Variants in PROZ observed in about 807,000 individuals in gnomAD.
PROZ encodes the protein vitamin K-dependent protein Z.
Under a neutral mutation model 34.9 loss-of-function variants are expected in PROZ, and 46 were observed. That is an observed-to-expected ratio of 1.32 (90% CI 1.04 to 1.69). PROZ has a LOEUF of 1.69. Among genes scored for constraint, PROZ ranks in the 40% most tolerant of loss-of-function variants. The pLI, the probability that PROZ is intolerant of heterozygous loss-of-function variation, is 0.00. For synonymous variants in PROZ, 195 were observed against 208.5 expected (o/e 0.94, Z 0.56); for missense variants, 530 against 520.4 (o/e 1.02, Z -0.18).
intron 6 of PROZ, among the ~76,000 whole-genome samples, chr13:113,169,416 A>G (rs1307116147): frequency 1.3e-5 from 2 of 152,122 alleles, no homozygotes; most frequent in Non-Finnish European, 2.9e-5. Flanking sequence ...GTGCTGACTC[A>G]GTTTTGGGAT....
Position 113,170,486 on chromosome 13 carries a change from C to T in PROZ, c.647C>T (p.Thr216Ile), listed in dbSNP as rs200554916. The T allele has an allele frequency of 1.9e-4, 301 of 1,608,294 alleles. 4 individuals carry two copies. In the South Asian group the frequency reaches 3.2e-3, roughly 17 times the overall value. ...VIIRENFVLT[T>I]AKCSLLHRNI... is the part of the protein sequence containing the mutation. ...ATACGGGAAAATTTTGTACTGACAA[C>T]AGCAAAATGTTCACTGTTACACAGG... Residue 216 changes from threonine (T) to isoleucine (I), a missense_variant, in exon 7 of 8, where the codon ACA becomes ATA. Thr to Ile is a moderately conservative substitution (Grantham distance 89, BLOSUM62 -1). Transcript: ENST00000375547.
intron 6 of PROZ, among the ~76,000 whole-genome samples, chr13:113,169,499 T>A: frequency 6.6e-6 from 1 of 152,222 alleles, no homozygotes; most frequent in East Asian, 1.9e-4. Context: ...GTGAATTTTA[T>A]CCTGTTAGGT....
chr13:113,163,180 T>A, intron 4 of PROZ, 58 bp downstream of exon 4: 1 of 1,397,746 alleles, frequency 7.2e-7, no homozygotes. Flanking sequence ...GGGCCTCACA[T>A]CCTCGGCCAG....
rs1369103169 is a variant in PROZ, at chr13:113,160,975, A to G, written c.259+3A>G. On this transcript the variant is annotated splice_donor_region_variant and intron_variant, in intron 3 of 7. Transcript: ENST00000375547. Reference sequence around the variant, plus strand: ...TGAATTCTGGAGACGATATAAGGGTAAGTGGTTTCCTTCGTCTCCTCAGAA... The same window carrying G: ...TGAATTCTGGAGACGATATAAGGGTGAGTGGTTTCCTTCGTCTCCTCAGAA... 2 of 1,607,126 alleles carry G rather than the reference A, an allele frequency of 1.2e-6. No homozygotes were observed. Among genetic ancestry groups the G allele is most frequent in the African/African-American group, 1.3e-5 (1 of 74,894 alleles).
chr13:113,170,904 C>A (rs993392497), intron 7 of PROZ, among the ~76,000 whole-genome samples: 1 of 151,050 alleles, frequency 6.6e-6, no homozygotes, highest in Non-Finnish European at 1.5e-5. Context: ...GCCTTCTCAT[C>A]GGCTTATCTG....
rs956716873 is a variant in PROZ at position 113,171,069 on chromosome 13, T to C, written c.692-525T>C. 2.0e-5 allele frequency among the ~76,000 whole-genome samples: 3 copies of C among 152,022 alleles called. No homozygotes were observed. The highest frequency in any genetic ancestry group is 7.2e-5 in the African/African-American group (3 of 41,398). ...TCCCGAGTAGCTGGGACTACAGGCA[T>C]GCACCACCATATCCCACTAATTTTT... On this transcript the variant is annotated intron_variant, in intron 7 of 7. Transcript: ENST00000375547. This position sits in a 1 kb window ranked among gnomAD's most constrained non-coding sequence, Gnocchi z 5.1.
rs372138561 is a variant in PROZ, at chr13:113,171,941, G to A, written c.1039G>A (p.Ala347Thr). Reference protein sequence around the residue: ...TRTYCERSSVAAMHWMDGSVV... With the variant: ...TRTYCERSSVTAMHWMDGSVV... ...GACCTACTGTGAGAGAAGCAGCGTG[G>A]CGGCCATGCACTGGATGGATGGAAG... Residue 347 changes from alanine (A) to threonine (T), a missense_variant, in exon 8 of 8, where the codon GCG becomes ACG. Physicochemically the swap from Ala to Thr is moderately conservative, Grantham distance 58 (BLOSUM62 0). Coordinates refer to ENST00000375547, the MANE Select transcript of PROZ (RefSeq NM_003891.3). The surrounding 1 kb of genome is among the most constrained non-coding windows in gnomAD (Gnocchi z 5.1). The A allele has an allele frequency of 6.2e-7, 1 of 1,613,622 alleles. No homozygotes were observed. Among genetic ancestry groups the A allele is most frequent in the Non-Finnish European group, 8.5e-7 (1 of 1,180,034 alleles).
intron 3 of PROZ, among the ~76,000 whole-genome samples, chr13:113,161,871 G>A (rs1436381417): frequency 2.1e-5 from 2 of 94,172 alleles, no homozygotes; most frequent in Admixed American, 1.0e-4. Context: ...TCAGGTCCCC[G>A]TCCCTGCCAC....
intron 4 of PROZ, 34 bp downstream of exon 4, chr13:113,163,156 C>G (rs2036795958): frequency 6.7e-7 from 1 of 1,487,846 alleles, no homozygotes; most frequent in South Asian, 1.2e-5. Context: ...CCCCAAGGGC[C>G]TCCCTGGGCA....
intron 6 of PROZ, among the ~76,000 whole-genome samples, chr13:113,167,807 G>A (rs374249666): frequency 2.3e-4 from 30 of 129,176 alleles, no homozygotes; most frequent in African/African-American, 7.4e-4. Flanking sequence ...ATATGTTTAC[G>A]GTTAAAGCTA....
chr13:113,159,208 T>C lies in PROZ; in HGVS notation c.70+478T>C. 6.5e-7 allele frequency: 1 copy of C among 1,545,268 alleles called. No homozygotes were observed. Among genetic ancestry groups the C allele is most frequent in the African/African-American group, 1.4e-5 (1 of 73,018 alleles). On this transcript the variant is annotated intron_variant, in intron 1 of 7. Coordinates refer to ENST00000375547, the MANE Select transcript of PROZ (RefSeq NM_003891.3). This position sits in a 1 kb window ranked among gnomAD's most constrained non-coding sequence, Gnocchi z 4.6. ...ACCCTTCTACCACCAGCCACTTCACTGAAGGAACGACATGGACTCCATTCT... is the reference window on the plus strand; with the variant it reads ...ACCCTTCTACCACCAGCCACTTCACCGAAGGAACGACATGGACTCCATTCT...
Position 113,158,893 on chromosome 13 carries a change from G to C in PROZ, c.70+163G>C, listed in dbSNP as rs1733836884. On this transcript the variant is annotated intron_variant, in intron 1 of 7. Coordinates refer to ENST00000375547, the MANE Select transcript of PROZ (RefSeq NM_003891.3). This position sits in a 1 kb window ranked among gnomAD's most constrained non-coding sequence, Gnocchi z 4.3. ...AAGCTGTTTGGATCTTTATCATTTG[G>C]TGACAAGTATTTGGGACATGATAGT... Among the ~76,000 whole-genome samples, 1 of 152,018 alleles carries C rather than the reference G, an allele frequency of 6.6e-6. No homozygotes were observed. Among genetic ancestry groups the C allele is most frequent in the Admixed American group, 6.6e-5 (1 of 15,260 alleles).
chr13:113,163,122 G>A lies in PROZ; in HGVS notation c.373G>A (p.Ala125Thr). 1 of 1,550,208 alleles carries A rather than the reference G, an allele frequency of 6.5e-7. No homozygotes were observed. Among genetic ancestry groups the A allele is most frequent in the South Asian group, 1.2e-5 (1 of 84,084 alleles). Residue 125 changes from alanine (A) to threonine (T), a missense_variant and splice_region_variant, in exon 4 of 8, where the codon GCT becomes ACT. Ala to Thr is a moderately conservative substitution (Grantham distance 58, BLOSUM62 0). Transcript: ENST00000375547. ...PGYEGSNCEL[A>T]KNECHPERTD... ...CTATGAGGGCAGCAACTGCGAGCTGGGTGAGGCCCCGGCCGTCCCCTTCCC... is the reference window on the plus strand; with the variant it reads ...CTATGAGGGCAGCAACTGCGAGCTGAGTGAGGCCCCGGCCGTCCCCTTCCC...
Position 113,172,006 on chromosome 13 carries a change from G to T in PROZ, c.1104G>T (p.Thr368=). The change falls in exon 8 of 8, where the codon ACG becomes ACT. Residue 368 remains threonine, a synonymous_variant. Coordinates refer to ENST00000375547, the MANE Select transcript of PROZ (RefSeq NM_003891.3). ...TREHRGSWFL[T]GVLGSQPVGG... is the part of the protein sequence containing the mutation. ...AACACAGAGGCTCCTGGTTTCTCAC[G>T]GGGGTCCTGGGCTCGCAGCCAGTAG... is the stretch of plus-strand genomic sequence containing the variant. 2 of 1,613,198 alleles carry T rather than the reference G, an allele frequency of 1.2e-6. No homozygotes were observed. Among genetic ancestry groups the T allele is most frequent in the Non-Finnish European group, 1.7e-6 (2 of 1,180,026 alleles).
rs2036720405 is a variant in PROZ at position 113,159,338 on chromosome 13, G to C, written c.70+608G>C. On this transcript the variant is annotated intron_variant, in intron 1 of 7. Coordinates refer to ENST00000375547, the MANE Select transcript of PROZ (RefSeq NM_003891.3). This position sits in a 1 kb window ranked among gnomAD's most constrained non-coding sequence, Gnocchi z 4.6. Reference sequence around the variant, plus strand: ...GCCCCATGGTCTCCCACCCTGAGAGGGTGATCCCCCCGCCCTGCCCTGCCC... The same window carrying C: ...GCCCCATGGTCTCCCACCCTGAGAGCGTGATCCCCCCGCCCTGCCCTGCCC... 1 of 1,430,488 alleles carries C rather than the reference G, an allele frequency of 7.0e-7. No homozygotes were observed. Among genetic ancestry groups the C allele is most frequent in the Non-Finnish European group, 9.6e-7 (1 of 1,038,844 alleles). 88.6% of individuals were successfully genotyped at this position (1,430,488 alleles called of 1,614,324 possible). A position where few individuals can be genotyped will look rare whatever the true frequency, so the allele number is the denominator to read the frequency against.
intron 6 of PROZ, among the ~76,000 whole-genome samples, chr13:113,168,355 G>A (rs2037008601): frequency 6.6e-6 from 1 of 152,196 alleles, no homozygotes; most frequent in Admixed American, 6.5e-5. Context: ...GGCGTCTGGG[G>A]AAGAAGCCTT....
At chr13:113,168,909 T>G (rs1234024513) in intron 6 of PROZ, among the ~76,000 whole-genome samples, 3 of 152,122 alleles carry the variant, frequency 2.0e-5, no homozygotes, top group Non-Finnish European at 2.9e-5. Flanking sequence ...TTAAATTTCA[T>G]GTAGAGATGG....
chr13:113,164,477 C>T lies in PROZ; in HGVS notation c.374-36C>T, dbSNP rs1442642596. ...AAGGCTGTGATAAAATGACTATTTC[C>T]AAGCTAGCATTTCCTTTTTTTTTTT... is the stretch of plus-strand genomic sequence containing the variant. On this transcript the variant is annotated intron_variant, in intron 4 of 7. Transcript: ENST00000375547. 2.5e-6 allele frequency: 4 copies of T among 1,599,880 alleles called. No homozygotes were observed. In the African/African-American group the frequency reaches 5.6e-5, roughly 22 times the overall value.
rs772914501 is a variant in PROZ, at chr13:113,172,157, G to C, written c.*52G>C. The C allele has an allele frequency of 6.3e-7, 1 of 1,597,464 alleles. No individual in the cohort carries two copies. The highest frequency in any genetic ancestry group is 8.5e-7 in the Non-Finnish European group (1 of 1,171,648). ...AACACAACCGGAAGCGGGATTCCAA[G>C]CTGGCACTGCCACTGTGGAGGGCGC... is the stretch of plus-strand genomic sequence containing the variant. On this transcript the variant is annotated 3_prime_UTR_variant, in exon 8 of 8. Transcript: ENST00000375547.
Sources: gnomAD v4.1 joint callset for allele counts (sites outside exome capture counted in the v4.1 genomes callset) on GRCh38, gnomAD v4.1.1 for gene constraint, Gnocchi (gnomAD v3.1) non-coding constraint, MANE v1.5 for transcripts, NCBI Gene and HGNC (gene_info 2026-07-23, HGNC 2026-07-21) for gene names.